The following DLC1 variants were observed in gnomAD, a reference collection of about 807,000 sequenced individuals.
The protein encoded by DLC1 is rho GTPase-activating protein 7.
In DLC1, 54 loss-of-function variants were observed where a neutral mutation model predicts 140.3. The ratio of observed to expected loss-of-function variants is 0.38; its 90% CI spans 0.31 to 0.48. The LOEUF (loss-of-function observed/expected upper bound fraction) is 0.48, where lower values mean the gene tolerates loss of function less well. Among genes scored for constraint, DLC1 ranks in the 20% least tolerant of loss-of-function variants. DLC1 has a pLI of 0.96. For synonymous variants in DLC1, 986 were observed against 728.1 expected, an observed-to-expected ratio of 1.35 and a Z score of -5.70; for missense variants, 2,536 against 1,907.0, an observed-to-expected ratio of 1.33 and a Z score of -6.14.
intron 5 of DLC1, among the ~76,000 whole-genome samples, chr8:13,122,777 T>A (rs377318640): frequency 2.8e-5 from 4 of 141,356 alleles, no homozygotes; most frequent in South Asian, 2.3e-4. Flanking sequence ...CTAAAAAAAT[T>A]CCAAACATCT....
chr8:13,133,358 G>A lies in DLC1; in HGVS notation c.1349-17701C>T, dbSNP rs1271385267. ...CCCCCCGAGGGGCGGGGCCAGAGCG[G>A]GCGGCACCGCCTCCTCCCCGCTGTC... On this transcript the variant is annotated intron_variant, in intron 5 of 17. Transcript: ENST00000276297. 27 of 1,085,264 alleles carry A rather than the reference G, an allele frequency of 2.5e-5. No homozygotes were observed. In the African/African-American group the frequency reaches 4.6e-4, roughly 18 times the overall value. 67.2% of individuals were successfully genotyped at this position (1,085,264 alleles called of 1,614,324 possible).
At chr8:13,426,833 T>C (rs1478249810) in intron 2 of DLC1, among the ~76,000 whole-genome samples, 1 of 152,222 alleles carries the variant, frequency 6.6e-6, no homozygotes, top group Non-Finnish European at 1.5e-5. Flanking sequence ...TCTCTCATCC[T>C]AGGAGATCCT....
intron 4 of DLC1, among the ~76,000 whole-genome samples, chr8:13,386,729 TG>T (rs1315437142): frequency 6.6e-6 from 1 of 152,110 alleles, no homozygotes; most frequent in Non-Finnish European, 1.5e-5. Flanking sequence ...AAATCCTCTG[TG>T]CTTTTAAATC....
chr8:13,377,789 T>C (rs1836067979), intron 4 of DLC1, among the ~76,000 whole-genome samples: 1 of 152,096 alleles, frequency 6.6e-6, no homozygotes, highest in Non-Finnish European at 1.5e-5. Flanking sequence ...AAATCTTGAA[T>C]AGGTGGCGCC....
chr8:13,332,939 A>T (rs770224288), intron 4 of DLC1, among the ~76,000 whole-genome samples: 1 of 152,104 alleles, frequency 6.6e-6, no homozygotes, highest in African/African-American at 2.4e-5. Flanking sequence ...CTCCTGCCCA[A>T]AGGTTTAAAG....
chr8:13,393,095 C>T (rs1428724138), intron 4 of DLC1, among the ~76,000 whole-genome samples: 1 of 152,054 alleles, frequency 6.6e-6, no homozygotes, highest in Non-Finnish European at 1.5e-5. Context: ...ACATCTATCT[C>T]TATCATCTGT....
rs114185217 is a variant in DLC1 at position 13,327,555 on chromosome 8, A to G, written c.1315-22253T>C. Among the ~76,000 whole-genome samples, 1,197 of 151,916 alleles carry G rather than the reference A, an allele frequency of 7.9e-3. 14 individuals are homozygous for G. The highest frequency in any genetic ancestry group is 0.027 in the African/African-American group (1,136 of 41,386). ...GGCTGGTCTTGAACTCCTGGGTTCAAGCAATCCTCCTGTCTCAGGTTCTCA... is the reference window on the plus strand; with the variant it reads ...GGCTGGTCTTGAACTCCTGGGTTCAGGCAATCCTCCTGTCTCAGGTTCTCA... On this transcript the variant is annotated intron_variant, in intron 4 of 17. Coordinates refer to ENST00000276297, the MANE Select transcript of DLC1 (RefSeq NM_182643.3).
At chr8:13,241,411 T>C (rs1189365056) in intron 5 of DLC1, among the ~76,000 whole-genome samples, 1 of 152,064 alleles carries the variant, frequency 6.6e-6, no homozygotes, top group Non-Finnish European at 1.5e-5. Flanking sequence ...TGATTTGGGG[T>C]ACATTTTTTT....
rs1036449864 is a variant in DLC1 at position 13,086,578 on chromosome 8, G to C, written c.4293-115C>G. 3.3e-6 allele frequency: 4 copies of C among 1,204,076 alleles called. No homozygotes were observed. The African/African-American group carries it at 6.1e-5, about 18-fold the overall frequency. The allele number at this position is 1,204,076 out of a possible 1,614,324, so 74.6% of individuals were successfully genotyped here. ...GTGACGGGTCAGGCTCAGTGGCCAT[G>C]CTGTGTGACCCAGGCCTAGGTAAAT... is the stretch of plus-strand genomic sequence containing the variant. On this transcript the variant is annotated intron_variant, in intron 16 of 17. Coordinates refer to ENST00000276297, the MANE Select transcript of DLC1 (RefSeq NM_182643.3).
rs568667627 is a variant in DLC1, at chr8:13,230,863, C to G, written c.1348+74406G>C. Among the ~76,000 whole-genome samples, 3 of 152,216 alleles carry G rather than the reference C, an allele frequency of 2.0e-5. No homozygotes were observed. In the South Asian group the frequency reaches 6.2e-4, roughly 32 times the overall value. On this transcript the variant is annotated intron_variant, in intron 5 of 17. Coordinates refer to ENST00000276297, the MANE Select transcript of DLC1 (RefSeq NM_182643.3). ...CTGCCCACCTCGGCCTCCCAAAGTG[C>G]TGGGGTTATAGGTGTGAGCCACTGC...
At chr8:13,217,964 T>G (rs988530159) in intron 5 of DLC1, among the ~76,000 whole-genome samples, 1 of 152,126 alleles carries the variant, frequency 6.6e-6, no homozygotes, top group African/African-American at 2.4e-5. Flanking sequence ...TGGGAACCAT[T>G]TTAGCCCTTA....
intron 1 of DLC1, among the ~76,000 whole-genome samples, chr8:13,593,661 A>T (rs1805592473): frequency 6.6e-6 from 1 of 152,110 alleles, no homozygotes; most frequent in African/African-American, 2.4e-5. Flanking sequence ...ACCCCGCCCG[A>T]TTCATACAGA....
At chr8:13,581,435 A>G (rs1039231941) in intron 1 of DLC1, among the ~76,000 whole-genome samples, 1 of 152,150 alleles carries the variant, frequency 6.6e-6, no homozygotes, top group Non-Finnish European at 1.5e-5. Flanking sequence ...ATATCTATCC[A>G]TTCATTTAGT....
At chr8:13,222,444 C>G (rs113888705) in intron 5 of DLC1, among the ~76,000 whole-genome samples, 189 of 152,186 alleles carry the variant, frequency 1.2e-3, no homozygotes, top group African/African-American at 4.2e-3. Context: ...TAGACACATC[C>G]TTTAAAAGCT....
At chr8:13,315,888 A>G (rs1832843585) in intron 4 of DLC1, among the ~76,000 whole-genome samples, 1 of 152,226 alleles carries the variant, frequency 6.6e-6, no homozygotes, top group African/African-American at 2.4e-5. Flanking sequence ...CATTAAAATT[A>G]TTCAGAGTGG....
At chr8:13,236,826 C>T (rs192321337) in intron 5 of DLC1, among the ~76,000 whole-genome samples, 4 of 151,984 alleles carry the variant, frequency 2.6e-5, no homozygotes, top group Non-Finnish European at 5.9e-5. Context: ...TGCTACTTGC[C>T]CATGAGAAGT....
At chr8:13,202,499 T>C (rs1827443534) in intron 5 of DLC1, among the ~76,000 whole-genome samples, 1 of 152,150 alleles carries the variant, frequency 6.6e-6, no homozygotes, top group Non-Finnish European at 1.5e-5. Context: ...TTAGTAAAAT[T>C]GCCGTCTTTC....
chr8:13,129,215 G>C (rs1821875050), intron 5 of DLC1, among the ~76,000 whole-genome samples: 1 of 152,144 alleles, frequency 6.6e-6, no homozygotes, highest in Non-Finnish European at 1.5e-5. Context: ...CTACAGCACT[G>C]TCTTCCTTCA....
intron 5 of DLC1, among the ~76,000 whole-genome samples, chr8:13,188,393 C>T (rs1401042325): frequency 1.7e-5 from 2 of 116,884 alleles, no homozygotes; most frequent in Admixed American, 1.1e-4. Flanking sequence ...GCACTCCAGC[C>T]TGGGTGACAG....
Sources: allele counts gnomAD v4.1 joint callset (sites outside exome capture counted in the v4.1 genomes callset), GRCh38; gene constraint gnomAD v4.1.1; transcripts MANE v1.5; gene names NCBI Gene and HGNC (gene_info 2026-07-23, HGNC 2026-07-21).